The following SPICE1 variants were observed in gnomAD, a reference collection of about 807,000 sequenced individuals.
The protein encoded by SPICE1 is spindle and centriole-associated protein 1.
A neutral mutation model predicts 102.7 loss-of-function variants in SPICE1; 75 were observed. The ratio of observed to expected loss-of-function variants is 0.73; its 90% CI spans 0.61 to 0.88. SPICE1 has a LOEUF of 0.88. Ranked by LOEUF, SPICE1 falls within the 40% of genes least tolerant of loss-of-function variation. SPICE1 has a pLI of 0.00. For synonymous variants in SPICE1, 308 were observed against 350.3 expected (o/e 0.88, Z 1.35); for missense variants, 979 against 1,020.1 (o/e 0.96, Z 0.55).
chr3:113,504,063 T>G (rs543314229), intron 2 of SPICE1, among the ~76,000 whole-genome samples: 1 of 151,860 alleles, frequency 6.6e-6, no homozygotes, highest in South Asian at 2.1e-4. Flanking sequence ...TTTCATAAAA[T>G]GTAAAAACAG....
At chr3:113,500,199 A>C (rs1401931256) in intron 3 of SPICE1, among the ~76,000 whole-genome samples, 1 of 152,186 alleles carries the variant, frequency 6.6e-6, no homozygotes, top group Non-Finnish European at 1.5e-5. Flanking sequence ...GGGTTCACTA[A>C]GGTGGGTTCA....
intron 4 of SPICE1, among the ~76,000 whole-genome samples, chr3:113,496,700 T>C (rs1427599764): frequency 6.6e-6 from 1 of 152,198 alleles, no homozygotes. Flanking sequence ...TTCAGGTGGA[T>C]GGGTCCTGTT....
intron 14 of SPICE1, among the ~76,000 whole-genome samples, chr3:113,451,223 G>C (rs1359873556): frequency 6.6e-6 from 1 of 152,106 alleles, no homozygotes; most frequent in Non-Finnish European, 1.5e-5. Flanking sequence ...TTTGGCCTAA[G>C]GTATCTGATT....
chr3:113,474,498 C>G (rs1308382469), intron 7 of SPICE1, among the ~76,000 whole-genome samples: 5 of 152,142 alleles, frequency 3.3e-5, no homozygotes, highest in African/African-American at 4.8e-5. Flanking sequence ...TTTTTCAGCA[C>G]CACATGACAC....
chr3:113,467,788 T>C (rs6438152), intron 10 of SPICE1, among the ~76,000 whole-genome samples: 2,531 of 152,304 alleles, frequency 0.017, 57 homozygotes, highest in African/African-American at 0.049. Flanking sequence ...AAGCAGAGAA[T>C]AGCAATAGAA....
rs768303454 is a variant in SPICE1 at position 113,468,778 on chromosome 3, T to C, written c.873A>G (p.Lys291=). ...GGACTGAACCTTTATTTAACAGCTG[T>C]TTTTGCTTCCTTGAGTTCAGCACGT... is the stretch of plus-strand genomic sequence containing the variant. The part of the protein sequence containing the change: ...VGHVLNSRKQ[K]QLLNKVKRKP... Residue 291 remains lysine (K), a synonymous_variant, in exon 9 of 18, where the codon AAA becomes AAG. Coordinates refer to ENST00000295872, the MANE Select transcript of SPICE1 (RefSeq NM_144718.4). 6.2e-7 allele frequency: 1 copy of C among 1,612,700 alleles called. No individual in the cohort carries two copies. Among genetic ancestry groups the C allele is most frequent in the South Asian group, 1.1e-5 (1 of 90,626 alleles).
At chr3:113,457,970 A>C (rs1173709815) in intron 12 of SPICE1, among the ~76,000 whole-genome samples, 1 of 152,212 alleles carries the variant, frequency 6.6e-6, no homozygotes, top group Admixed American at 6.5e-5. Flanking sequence ...TGACCTCCAT[A>C]TATAAGGCTC....
chr3:113,502,311 C>T (rs1937024114), intron 3 of SPICE1, among the ~76,000 whole-genome samples: 1 of 152,164 alleles, frequency 6.6e-6, no homozygotes, highest in South Asian at 2.1e-4. Flanking sequence ...GAGGTGGAGG[C>T]TGCAGTGGGC....
intron 1 of SPICE1, among the ~76,000 whole-genome samples, chr3:113,512,122 A>G (rs903627662): frequency 1.3e-5 from 2 of 152,212 alleles, no homozygotes; most frequent in Admixed American, 6.5e-5. Context: ...GGAAGACCCT[A>G]AGCAAAGAAT....
At position 113,443,968 on chromosome 3, in the gene SPICE1, T is replaced by C. The variant is rs1447251731; in HGVS notation, c.*1339A>G. 2 of 152,338 alleles carry C rather than the reference T, an allele frequency of 1.3e-5. No individual in the cohort carries two copies. The highest frequency in any genetic ancestry group is 2.1e-4 in the South Asian group (1 of 4,824). 9.4% of individuals were successfully genotyped at this position (152,338 alleles called of 1,614,324 possible). On this transcript the variant is annotated 3_prime_UTR_variant, in exon 18 of 18. Coordinates refer to ENST00000295872, the MANE Select transcript of SPICE1 (RefSeq NM_144718.4). ...GATGTTGTTATCAATCCAGTATCTCTGCCAACCTGTAATTTGGAAAACTGT... is the reference window on the plus strand; with the variant it reads ...GATGTTGTTATCAATCCAGTATCTCCGCCAACCTGTAATTTGGAAAACTGT...
intron 4 of SPICE1, among the ~76,000 whole-genome samples, chr3:113,496,733 GCTTATGTGAATATGT>G (rs565275479): frequency 3.2e-4 from 49 of 152,232 alleles, no homozygotes; most frequent in African/African-American, 1.2e-3. Flanking sequence ...TAATGATGAA[GCTTATGTGAATATGT>G]CTAAGGAGGC....
At chr3:113,490,897 T>G (rs1276520156) in intron 6 of SPICE1, among the ~76,000 whole-genome samples, 1 of 152,178 alleles carries the variant, frequency 6.6e-6, no homozygotes, top group East Asian at 1.9e-4. Flanking sequence ...TTCTCCTCTA[T>G]TTCCTTCCCT....
chr3:113,473,455 G>A (rs1553767873), intron 7 of SPICE1, among the ~76,000 whole-genome samples: 1 of 152,098 alleles, frequency 6.6e-6, no homozygotes, highest in Non-Finnish European at 1.5e-5. Context: ...GATACTCCTC[G>A]AGAAGAGCAA....
At chr3:113,494,364 T>C (rs1281534390) in intron 4 of SPICE1, among the ~76,000 whole-genome samples, 3 of 152,070 alleles carry the variant, frequency 2.0e-5, no homozygotes, top group African/African-American at 4.8e-5. Context: ...ATATTCACAA[T>C]TGGCCGGGCG....
At chr3:113,472,506 C>A (rs184081344) in intron 7 of SPICE1, among the ~76,000 whole-genome samples, 6 of 152,342 alleles carry the variant, frequency 3.9e-5, no homozygotes, top group African/African-American at 4.8e-5. Flanking sequence ...GACCCCTGAC[C>A]CCCGAGCAGC....
chr3:113,506,814 T>C (rs941512862), intron 1 of SPICE1, among the ~76,000 whole-genome samples: 3 of 152,146 alleles, frequency 2.0e-5, no homozygotes, highest in Non-Finnish European at 4.4e-5. Context: ...ATAAAAGAGG[T>C]CTCAAGTCAA....
Position 113,515,010 on chromosome 3 carries a change from T to G in SPICE1, c.-114A>C. 1 of 359,626 alleles carries G rather than the reference T, an allele frequency of 2.8e-6. No individual in the cohort carries two copies. Among genetic ancestry groups the G allele is most frequent in the Non-Finnish European group, 4.9e-6 (1 of 203,834 alleles). 22.3% of individuals were successfully genotyped at this position (359,626 alleles called of 1,614,324 possible). A position where few individuals can be genotyped will look rare whatever the true frequency, so the allele number is the denominator to read the frequency against. ...GCCACCACCGTTCTCCCCACCCTTTTGGTAGCCCTGGTCCCTAAGGCTCGT... is the reference window on the plus strand; with the variant it reads ...GCCACCACCGTTCTCCCCACCCTTTGGGTAGCCCTGGTCCCTAAGGCTCGT... On this transcript the variant is annotated 5_prime_UTR_variant, in exon 1 of 18. Transcript: ENST00000295872.
intron 1 of SPICE1, among the ~76,000 whole-genome samples, chr3:113,511,076 G>A (rs763151950): frequency 2.2e-4 from 33 of 152,192 alleles, no homozygotes; most frequent in Non-Finnish European, 3.8e-4. Flanking sequence ...TCTCATGCCA[G>A]TCAGAATGGC....
At chr3:113,482,556 C>T (rs545033405) in intron 7 of SPICE1, among the ~76,000 whole-genome samples, 2 of 152,232 alleles carry the variant, frequency 1.3e-5, no homozygotes, top group African/African-American at 4.8e-5. Flanking sequence ...TTACGTTTAA[C>T]TCTTTAATCC....
Sources: gnomAD v4.1 joint callset for allele counts (sites outside exome capture counted in the v4.1 genomes callset) on GRCh38, gnomAD v4.1.1 for gene constraint, MANE v1.5 for transcripts, NCBI Gene and HGNC (gene_info 2026-07-23, HGNC 2026-07-21) for gene names.